KIAA1549L: variants seen among roughly 807,000 people sequenced by gnomAD.
KIAA1549L encodes KIAA1549 like.
KIAA1549L carries 88 observed loss-of-function variants against 160.7 expected under a neutral mutation model. That is an observed-to-expected ratio of 0.55 (90% CI 0.46 to 0.65). The LOEUF (loss-of-function observed/expected upper bound fraction) is 0.65. Ranked by LOEUF, KIAA1549L falls within the 30% of genes least tolerant of loss-of-function variation. The probability of loss-of-function intolerance (pLI) is 0.00; values close to 1 mark genes in which losing one functional copy is unlikely to be tolerated. For missense variants in KIAA1549L, 2,258 were observed against 2,437.5 expected (o/e 0.93, Z 1.55); for synonymous variants, 950 against 976.7 (o/e 0.97, Z 0.51).
rs373858902 is a variant in KIAA1549L at position 33,559,894 on chromosome 11, C to T, written c.4001C>T (p.Pro1334Leu). 17 of 1,613,890 alleles carry T rather than the reference C, an allele frequency of 1.1e-5. No individual in the cohort carries two copies. Among genetic ancestry groups the T allele is most frequent in the African/African-American group, 5.3e-5 (4 of 74,946 alleles). Reference protein sequence around the residue: ...ELVGFYLTYPPLTIAEPLEYP... With the variant: ...ELVGFYLTYPLLTIAEPLEYP... ...GTGGGATTCTACCTCACCTATCCGC[C>T]GCTAACCATTGCTGAACGTGAGTAT... The change falls in exon 7 of 21, where the codon CCG (proline) becomes CTG (leucine). Residue 1334 changes from proline (P) to leucine (L), a missense_variant. By Grantham distance (98) the Pro-to-Leu change is moderately conservative. Transcript: ENST00000658780.
chr11:33,518,216 A>G (rs1213046524), intron 1 of KIAA1549L, among the ~76,000 whole-genome samples: 1 of 150,752 alleles, frequency 6.6e-6, no homozygotes, highest in Non-Finnish European at 1.5e-5. Context: ...ATCTATGTCT[A>G]CAGTGGTAAA....
chr11:33,570,498 TTGAA>T (rs1429720539), intron 9 of KIAA1549L, among the ~76,000 whole-genome samples: 1 of 152,130 alleles, frequency 6.6e-6, no homozygotes, highest in African/African-American at 2.4e-5. Context: ...TATTAGATAT[TTGAA>T]TGGTCATTCA....
chr11:33,659,029 C>A, intron 19 of KIAA1549L, 131 bp downstream of exon 19: 1 of 984,862 alleles, frequency 1.0e-6, no homozygotes, highest in Non-Finnish European at 1.4e-6. Context: ...TTCTGGATCC[C>A]CTCATAACTT....
chr11:33,382,956 A>G (rs1169859744), intron 1 of KIAA1549L, among the ~76,000 whole-genome samples: 1 of 152,198 alleles, frequency 6.6e-6, no homozygotes, highest in Non-Finnish European at 1.5e-5. Context: ...GGAGGTAGGA[A>G]AAGAAGAAAG....
intron 1 of KIAA1549L, among the ~76,000 whole-genome samples, chr11:33,426,090 G>C (rs1037331285): frequency 1.3e-5 from 2 of 152,190 alleles, no homozygotes; most frequent in African/African-American, 4.8e-5. Context: ...TCAGAAAAAG[G>C]ACATTAGAGA....
intron 16 of KIAA1549L, among the ~76,000 whole-genome samples, chr11:33,636,488 G>T (rs555237623): frequency 6.6e-6 from 1 of 151,424 alleles, no homozygotes; most frequent in Non-Finnish European, 1.5e-5. Context: ...GTACTACCAC[G>T]CCCAGCTAAT....
intron 16 of KIAA1549L, among the ~76,000 whole-genome samples, chr11:33,632,538 AG>A (rs1291043984): frequency 6.6e-6 from 1 of 152,112 alleles, no homozygotes; most frequent in Admixed American, 6.6e-5. Context: ...AGGCCATCAC[AG>A]TGCCTGCTAC....
intron 16 of KIAA1549L, among the ~76,000 whole-genome samples, chr11:33,630,573 C>T (rs1851255479): frequency 6.6e-6 from 1 of 152,240 alleles, no homozygotes; most frequent in Non-Finnish European, 1.5e-5. Flanking sequence ...CTTTCTTTGA[C>T]TAGGAAAGGG....
chr11:33,558,962 T>C (rs1854746624), intron 6 of KIAA1549L, among the ~76,000 whole-genome samples: 1 of 151,916 alleles, frequency 6.6e-6, no homozygotes, highest in South Asian at 2.1e-4. Context: ...GCCTTCTGAG[T>C]AGCTGGGATT....
At position 33,559,869 on chromosome 11, in the gene KIAA1549L, G is replaced by A; in HGVS notation, c.3976G>A (p.Val1326Met). 6.2e-7 allele frequency: 1 copy of A among 1,614,022 alleles called. No homozygotes were observed. The highest frequency in any genetic ancestry group is 1.1e-5 in the South Asian group (1 of 91,076). ...SLLSQLSAELVGFYLTYPPLT... is the reference protein window; with the variant it reads ...SLLSQLSAELMGFYLTYPPLT... The stretch of plus-strand genomic sequence containing the variant: ...CCTCAGCCAGCTCTCGGCTGAGCTG[G>A]TGGGATTCTACCTCACCTATCCGCC... The change falls in exon 7 of 21, where the codon GTG becomes ATG. Residue 1326 changes from valine to methionine, a missense_variant. Val to Met is a conservative substitution (Grantham distance 21, BLOSUM62 1). Transcript: ENST00000658780.
At position 33,668,762 on chromosome 11, in the gene KIAA1549L, T is replaced by C. The variant is rs1852571990; in HGVS notation, c.*608T>C. The C allele has an allele frequency of 6.6e-6, 1 of 152,294 alleles. No individual in the cohort carries two copies. Among genetic ancestry groups the C allele is most frequent in the African/African-American group, 2.4e-5 (1 of 41,434 alleles). The allele number at this position is 152,294 out of a possible 1,614,324, so 9.4% of individuals were successfully genotyped here. On this transcript the variant is annotated 3_prime_UTR_variant, in exon 21 of 21. Transcript: ENST00000658780. ...TGGCTGTGCCTATAAATAGACCTGA[T>C]TCTTTGTTTCCCTCGTCAATTAAAC...
At chr11:33,549,409 A>G (rs894188169) in intron 4 of KIAA1549L, among the ~76,000 whole-genome samples, 1 of 152,224 alleles carries the variant, frequency 6.6e-6, no homozygotes, top group African/African-American at 2.4e-5. Context: ...GAGATGTTAA[A>G]AGCAAATATT....
chr11:33,419,885 CAT>C (rs1850966518), intron 1 of KIAA1549L, among the ~76,000 whole-genome samples: 3 of 104,970 alleles, frequency 2.9e-5, no homozygotes, highest in African/African-American at 3.2e-5. Flanking sequence ...TACATACATA[CAT>C]ACATACATAC....
intron 1 of KIAA1549L, among the ~76,000 whole-genome samples, chr11:33,473,783 A>G (rs562995715): frequency 7.2e-5 from 11 of 152,020 alleles, no homozygotes; most frequent in Non-Finnish European, 1.2e-4. Context: ...TATCTTCTCC[A>G]CTGGTCAAAT....
chr11:33,438,195 T>C (rs1851418259), intron 1 of KIAA1549L, among the ~76,000 whole-genome samples: 1 of 152,240 alleles, frequency 6.6e-6, no homozygotes, highest in Non-Finnish European at 1.5e-5. Context: ...CCTGGTCATT[T>C]CTTGGGGGAG....
At chr11:33,546,123 TA>T (rs547014260) in intron 3 of KIAA1549L, among the ~76,000 whole-genome samples, 80 of 152,164 alleles carry the variant, frequency 5.3e-4, no homozygotes, top group African/African-American at 1.5e-3. Context: ...ATGTTTGCTA[TA>T]AAAAAAATTA....
chr11:33,637,839 C>T lies in KIAA1549L; in HGVS notation c.5410-7847C>T, dbSNP rs904587063. Reference sequence around the variant, plus strand: ...TTTAACTTAATTACCTGTGTGAAGGCGCCATCTCCAAATACAGTCACATTC... The same window carrying T: ...TTTAACTTAATTACCTGTGTGAAGGTGCCATCTCCAAATACAGTCACATTC... On this transcript the variant is annotated intron_variant, in intron 16 of 20. Transcript: ENST00000658780. Among the ~76,000 whole-genome samples, 5 of 152,186 alleles carry T rather than the reference C, an allele frequency of 3.3e-5. 1 individual carries two copies. Among genetic ancestry groups the T allele is most frequent in the South Asian group, 4.1e-4 (2 of 4,832 alleles).
At chr11:33,387,689 T>C (rs17346987) in intron 1 of KIAA1549L, among the ~76,000 whole-genome samples, 63,769 of 152,046 alleles carry the variant, frequency 0.42, 15,157 homozygotes, top group Non-Finnish European at 0.53. Flanking sequence ...GAAAATTGCA[T>C]TGGTTGCATT....
chr11:33,596,882 G>A (rs954323202), intron 12 of KIAA1549L, among the ~76,000 whole-genome samples: 1 of 152,144 alleles, frequency 6.6e-6, no homozygotes, highest in Non-Finnish European at 1.5e-5. Flanking sequence ...CACCAGAAGA[G>A]TCCAGAAACA....
Sources: allele counts gnomAD v4.1 joint callset (sites outside exome capture counted in the v4.1 genomes callset), GRCh38; gene constraint gnomAD v4.1.1; transcripts MANE v1.5; gene names NCBI Gene and HGNC (gene_info 2026-07-23, HGNC 2026-07-21).